MAMLD1: variants seen among roughly 807,000 people sequenced by gnomAD.
MAMLD1 encodes mastermind-like domain-containing protein 1.
A neutral mutation model predicts 45.0 loss-of-function variants in MAMLD1; 14 were observed. That is an observed-to-expected ratio of 0.31 (90% CI 0.21 to 0.49). The LOEUF is 0.49. MAMLD1 is among the 20% of genes least tolerant of loss of function. MAMLD1 has a pLI of 0.99. For missense variants in MAMLD1, 543 were observed against 603.6 expected, an observed-to-expected ratio of 0.90 and a Z score of 1.05; for synonymous variants, 254 against 247.8, an observed-to-expected ratio of 1.02 and a Z score of -0.24.
chrX:150,450,400 G>A (rs1459333180), intron 2 of MAMLD1, among the ~76,000 whole-genome samples: 1 of 111,848 alleles, frequency 8.9e-6, no homozygotes, highest in Middle Eastern at 4.2e-3. Context: ...CGCGGCACAG[G>A]TGCAAATCTG....
intron 5 of MAMLD1, among the ~76,000 whole-genome samples, chrX:150,490,713 A>G (rs192435706): frequency 1.8e-5 from 2 of 112,030 alleles, no homozygotes; most frequent in Admixed American, 1.9e-4. Context: ...ACATCATTGT[A>G]GGGAAACTGT....
intron 5 of MAMLD1, among the ~76,000 whole-genome samples, chrX:150,499,067 T>C (rs1170661668): frequency 2.7e-5 from 3 of 112,019 alleles, no homozygotes; most frequent in African/African-American, 9.7e-5. Context: ...TGCTCTAGCA[T>C]AGTAACCTCA....
At chrX:150,453,514 C>A (rs73638255) in intron 2 of MAMLD1, among the ~76,000 whole-genome samples, 3,368 of 111,758 alleles carry the variant, frequency 0.03, 134 homozygotes, top group African/African-American at 0.1. Flanking sequence ...CAACTCCACA[C>A]TCCCAATTCC....
Position 150,470,770 on chromosome X carries a change from G to A in MAMLD1, c.1197G>A (p.Leu399=). The change falls in exon 4 of 8, where the codon CTG becomes CTA. Residue 399 remains leucine (L), a synonymous_variant. Coordinates refer to ENST00000370401, the MANE Select transcript of MAMLD1 (RefSeq NM_005491.5). The stretch of plus-strand genomic sequence containing the variant: ...TGACGTCCAGCAGCAATGCTGCCCT[G>A]GGGCCCGCCATGCCCTATGCTCCTG... The part of the protein sequence containing the change: ...SSMTSSSNAA[L]GPAMPYAPEK... 1 of 1,211,846 alleles carries A rather than the reference G, an allele frequency of 8.3e-7. No individual in the cohort carries two copies. The highest frequency in any genetic ancestry group is 2.3e-4 in the Middle Eastern group (1 of 4,354).
chrX:150,363,118 C>T (rs2031105718), upstream of MAMLD1, among the ~76,000 whole-genome samples: 1 of 112,865 alleles, frequency 8.9e-6, no homozygotes, highest in Non-Finnish European at 1.9e-5. Flanking sequence ...GGCGGGGTCG[C>T]GGGCAGGGCA....
intron 1 of MAMLD1, among the ~76,000 whole-genome samples, chrX:150,429,968 G>C (rs915067834): frequency 6.6e-5 from 7 of 105,994 alleles, no homozygotes; most frequent in Admixed American, 6.1e-4. Flanking sequence ...GTGAAATTCA[G>C]TGAAATGCCT....
At chrX:150,434,764 A>G (rs1398569636) in intron 1 of MAMLD1, among the ~76,000 whole-genome samples, 3 of 111,956 alleles carry the variant, frequency 2.7e-5, no homozygotes, top group Non-Finnish European at 5.6e-5. Flanking sequence ...TTGCACTGTG[A>G]TCCAGGAATA....
intron 5 of MAMLD1, among the ~76,000 whole-genome samples, chrX:150,481,714 C>A (rs968345252): frequency 9.2e-6 from 1 of 108,248 alleles, no homozygotes; most frequent in Non-Finnish European, 1.9e-5. Context: ...CCTGCAGTTT[C>A]AGCTACTCCG....
At chrX:150,485,212 A>G (rs2036949075) in intron 5 of MAMLD1, among the ~76,000 whole-genome samples, 1 of 111,254 alleles carries the variant, frequency 9.0e-6, no homozygotes, top group South Asian at 3.9e-4. Context: ...CAGCTCAGAA[A>G]TTTCCCCCAG....
At chrX:150,404,296 T>G (rs2033945754) in intron 1 of MAMLD1, among the ~76,000 whole-genome samples, 1 of 112,245 alleles carries the variant, frequency 8.9e-6, no homozygotes, top group Non-Finnish European at 1.9e-5. Flanking sequence ...AAGAACAATT[T>G]CCTTCATAAA....
intron 1 of MAMLD1, among the ~76,000 whole-genome samples, chrX:150,392,565 A>C (rs1171797700): frequency 4.5e-5 from 5 of 110,246 alleles, no homozygotes; most frequent in Non-Finnish European, 9.5e-5. Flanking sequence ...GAATCAGAGG[A>C]CCGACATCTG....
intron 1 of MAMLD1, among the ~76,000 whole-genome samples, chrX:150,411,597 C>T (rs951270737): frequency 3.6e-5 from 4 of 111,969 alleles, no homozygotes; most frequent in African/African-American, 9.7e-5. Context: ...TAGCTGAGGC[C>T]GCTTTAATGA....
intron 1 of MAMLD1, among the ~76,000 whole-genome samples, chrX:150,443,896 C>T (rs977086129): frequency 6.3e-5 from 7 of 111,725 alleles, no homozygotes; most frequent in Admixed American, 9.5e-5. Flanking sequence ...TGGCATCTGC[C>T]GATAATATTT....
At chrX:150,490,969 G>A (rs2037167776) in intron 5 of MAMLD1, among the ~76,000 whole-genome samples, 1 of 111,851 alleles carries the variant, frequency 8.9e-6, no homozygotes, top group Non-Finnish European at 1.9e-5. Flanking sequence ...AAAGGAAAGG[G>A]ACTTTCTCAA....
intron 1 of MAMLD1, among the ~76,000 whole-genome samples, chrX:150,365,769 G>T (rs2031389965): frequency 8.9e-6 from 1 of 112,670 alleles, no homozygotes; most frequent in African/African-American, 3.2e-5. Context: ...CCACCTCCGG[G>T]GTTCGTGTAG....
At chrX:150,423,674 G>A (rs1557403683) in intron 1 of MAMLD1, among the ~76,000 whole-genome samples, 1 of 110,392 alleles carries the variant, frequency 9.1e-6, no homozygotes, top group African/African-American at 3.3e-5. Context: ...TTGTGTCCCT[G>A]CAATGGACAC....
chrX:150,441,555 G>A, intron 1 of MAMLD1, among the ~76,000 whole-genome samples: 1 of 110,442 alleles, frequency 9.1e-6, no homozygotes, highest in Non-Finnish European at 1.9e-5. Flanking sequence ...CCATGAATTT[G>A]TTTCAAAGTA....
chrX:150,442,722 C>T (rs1361198778), intron 1 of MAMLD1, among the ~76,000 whole-genome samples: 1 of 111,882 alleles, frequency 8.9e-6, no homozygotes, highest in Non-Finnish European at 1.9e-5. Flanking sequence ...ATTATATTTA[C>T]CCATAATTTT....
chrX:150,497,851 C>G (rs1458039569), intron 5 of MAMLD1, among the ~76,000 whole-genome samples: 2 of 111,555 alleles, frequency 1.8e-5, no homozygotes, highest in Non-Finnish European at 3.8e-5. Flanking sequence ...TTGGCACAGG[C>G]TTTGAAATCA....
Sources: allele counts gnomAD v4.1 joint callset (sites outside exome capture counted in the v4.1 genomes callset), GRCh38; gene constraint gnomAD v4.1.1; transcripts MANE v1.5; gene names NCBI Gene and HGNC (gene_info 2026-07-23, HGNC 2026-07-21).